ANK3: variants seen among roughly 807,000 people sequenced by gnomAD.
The protein encoded by ANK3 is ankyrin 3, also known as ankyrin-3.
Under a neutral mutation model 370.9 loss-of-function variants are expected in ANK3, and 57 were observed. That is an observed-to-expected ratio of 0.15 (90% CI 0.12 to 0.19). The LOEUF is 0.19. Ranked by LOEUF, ANK3 falls within the 10% of genes least tolerant of loss-of-function variation. The probability of loss-of-function intolerance (pLI) is 1.00; values close to 1 mark genes in which losing one functional copy is unlikely to be tolerated. For synonymous variants in ANK3, 1,929 were observed against 1,946.3 expected (o/e 0.99, Z 0.23); for missense variants, 4,439 against 5,302.1 (o/e 0.84, Z 5.06).
At chr10:60,238,609 ACCT>A (rs996761574) in intron 7 of ANK3, among the ~76,000 whole-genome samples, 2 of 151,992 alleles carry the variant, frequency 1.3e-5, no homozygotes, top group African/African-American at 4.8e-5. Flanking sequence ...GTGTGGGGAG[ACCT>A]CCTCTGTGCT....
At chr10:60,206,541 C>T (rs1359228273) in intron 10 of ANK3, among the ~76,000 whole-genome samples, 2 of 151,890 alleles carry the variant, frequency 1.3e-5, no homozygotes, top group Non-Finnish European at 2.9e-5. Context: ...AAACGTCTGG[C>T]CCCAACATTT....
intron 20 of ANK3, among the ~76,000 whole-genome samples, chr10:60,172,660 C>T (rs2095823961): frequency 6.6e-6 from 1 of 151,968 alleles, no homozygotes; most frequent in African/African-American, 2.4e-5. Context: ...ATTTTTTTTT[C>T]TTACATGTGT....
intron 2 of ANK3, among the ~76,000 whole-genome samples, chr10:60,398,456 T>C (rs2063288056): frequency 6.6e-6 from 1 of 152,158 alleles, no homozygotes; most frequent in Non-Finnish European, 1.5e-5. Flanking sequence ...CATACCTGTA[T>C]GCATATACAC....
intron 2 of ANK3, among the ~76,000 whole-genome samples, chr10:60,494,018 G>A (rs2075592020): frequency 6.6e-6 from 1 of 152,102 alleles, no homozygotes; most frequent in Non-Finnish European, 1.5e-5. Context: ...CCCAGTCAAG[G>A]CCAAAGATAA....
At chr10:60,593,016 C>T (rs1340465234) in intron 2 of ANK3, among the ~76,000 whole-genome samples, 1 of 152,134 alleles carries the variant, frequency 6.6e-6, no homozygotes, top group Non-Finnish European at 1.5e-5. Context: ...CCTTTTTCTT[C>T]CCTCTTTTTG....
chr10:60,562,998 C>T (rs2077374373), intron 2 of ANK3, among the ~76,000 whole-genome samples: 1 of 151,992 alleles, frequency 6.6e-6, no homozygotes, highest in South Asian at 2.1e-4. Flanking sequence ...AAAATATATA[C>T]CAGAGTTATT....
At chr10:60,184,111 A>G (rs1049806637) in intron 17 of ANK3, among the ~76,000 whole-genome samples, 15 of 152,222 alleles carry the variant, frequency 9.9e-5, no homozygotes, top group Admixed American at 9.8e-4. Flanking sequence ...AAGAAAAAAG[A>G]AAGTAAAAAC....
At position 60,076,402 on chromosome 10, in the gene ANK3, T is replaced by C; in HGVS notation, c.4479A>G (p.Ser1493=). The C allele has an allele frequency of 9.9e-6, 16 of 1,613,696 alleles. No individual in the cohort carries two copies. Among genetic ancestry groups the C allele is most frequent in the Non-Finnish European group, 1.4e-5 (16 of 1,179,802 alleles). ...GATRSLPTTY[S]YKPFFSTRPY... is the part of the protein sequence containing the mutation. ...GTCTTGTAGAAAAGAATGGCTTGTA[T>C]GAGTAAGTGGTGGGGAGGGATCTTG... is the stretch of plus-strand genomic sequence containing the variant. The change falls in exon 37 of 44, where the codon TCA becomes TCG. Residue 1493 remains serine, a synonymous_variant. Coordinates refer to ENST00000280772, the MANE Select transcript of ANK3 (RefSeq NM_020987.5).
chr10:60,355,221 T>G (rs1171202600), intron 1 of ANK3, among the ~76,000 whole-genome samples: 4 of 152,204 alleles, frequency 2.6e-5, no homozygotes. Flanking sequence ...TTCTCATAAT[T>G]TTCAAGATTT....
chr10:60,620,493 A>G (rs541762714), intron 1 of ANK3, among the ~76,000 whole-genome samples: 18 of 152,322 alleles, frequency 1.2e-4, no homozygotes, highest in African/African-American at 4.1e-4. Context: ...GAGAATAAGT[A>G]ACTTACCCAA....
At chr10:60,689,269 C>G (rs988577075) in intron 1 of ANK3, among the ~76,000 whole-genome samples, 1 of 152,056 alleles carries the variant, frequency 6.6e-6, no homozygotes, top group Admixed American at 6.5e-5. Context: ...TGTGGTGCCA[C>G]GTGCCTGTAG....
intron 1 of ANK3, among the ~76,000 whole-genome samples, chr10:60,726,525 A>C (rs2079943211): frequency 2.0e-5 from 3 of 152,230 alleles, no homozygotes; most frequent in Admixed American, 2.0e-4. Context: ...GAGCTGCTTC[A>C]TCTCCATTTT....
chr10:60,496,501 T>A (rs903343006), intron 2 of ANK3, among the ~76,000 whole-genome samples: 1 of 151,896 alleles, frequency 6.6e-6, no homozygotes, highest in Non-Finnish European at 1.5e-5. Context: ...CACTTTTATT[T>A]CTTCATAGAA....
At chr10:60,687,707 T>C (rs911309017) in intron 1 of ANK3, among the ~76,000 whole-genome samples, 4 of 152,304 alleles carry the variant, frequency 2.6e-5, no homozygotes, top group African/African-American at 9.6e-5. Context: ...TAATCACACT[T>C]CTGGGTATTT....
intron 1 of ANK3, among the ~76,000 whole-genome samples, chr10:60,342,756 G>A (rs886849176): frequency 1.5e-4 from 23 of 152,248 alleles, no homozygotes; most frequent in Admixed American, 9.2e-4. Flanking sequence ...ATCTGGAATC[G>A]AGAGATCCTA....
At chr10:60,470,284 C>T (rs1172627561) in intron 2 of ANK3, among the ~76,000 whole-genome samples, 2 of 151,974 alleles carry the variant, frequency 1.3e-5, no homozygotes, top group African/African-American at 4.8e-5. Flanking sequence ...ACTGTGTGGG[C>T]CTCAGCTGTT....
chr10:60,680,789 TG>T (rs1285561753), intron 1 of ANK3, among the ~76,000 whole-genome samples: 2 of 152,180 alleles, frequency 1.3e-5, no homozygotes, highest in African/African-American at 4.8e-5. Context: ...CCAGTCTGCC[TG>T]GTTTGAATTC....
intron 2 of ANK3, among the ~76,000 whole-genome samples, chr10:60,396,325 C>A (rs1223358512): frequency 6.6e-6 from 1 of 152,138 alleles, no homozygotes; most frequent in Admixed American, 6.5e-5. Context: ...AGTGAGGAGC[C>A]AGCTGAATCA....
chr10:60,339,048 T>C (rs1335858353), intron 1 of ANK3, among the ~76,000 whole-genome samples: 1 of 152,170 alleles, frequency 6.6e-6, no homozygotes, highest in Non-Finnish European at 1.5e-5. Context: ...AAATAGAATG[T>C]GTGCTTGTTT....
Sources: allele counts gnomAD v4.1 joint callset (sites outside exome capture counted in the v4.1 genomes callset), GRCh38; gene constraint gnomAD v4.1.1; transcripts MANE v1.5; gene names NCBI Gene and HGNC (gene_info 2026-07-23, HGNC 2026-07-21).